Variants in DMRT1 observed in about 807,000 individuals in gnomAD.
DMRT1 encodes the protein doublesex and mab-3 related transcription factor 1.
A neutral mutation model predicts 32.3 loss-of-function variants in DMRT1; 7 were observed. The ratio of observed to expected loss-of-function variants is 0.22; its 90% CI spans 0.12 to 0.41. The LOEUF (loss-of-function observed/expected upper bound fraction) is 0.41, where lower values mean the gene tolerates loss of function less well. Ranked by LOEUF, DMRT1 falls within the 10% of genes least tolerant of loss-of-function variation. The pLI is 1.00. For missense variants in DMRT1, 625 were observed against 500.5 expected (o/e 1.25, Z -2.37); for synonymous variants, 278 against 206.1 (o/e 1.35, Z -2.99).
At chr9:898,767 C>T (rs1361382336) in intron 3 of DMRT1, among the ~76,000 whole-genome samples, 1 of 152,234 alleles carries the variant, frequency 6.6e-6, no homozygotes, top group Non-Finnish European at 1.5e-5. Context: ...CCGGACTCTC[C>T]TCCTAACTTA....
intron 4 of DMRT1, among the ~76,000 whole-genome samples, chr9:922,106 TG>T (rs1818373548): frequency 1.3e-5 from 2 of 152,132 alleles, no homozygotes; most frequent in South Asian, 4.2e-4. Flanking sequence ...CTTGAACTCC[TG>T]GGCTCAAGCG....
chr9:905,614 C>G (rs77960583), intron 3 of DMRT1, among the ~76,000 whole-genome samples: 87 of 152,058 alleles, frequency 5.7e-4, no homozygotes, highest in East Asian at 1.7e-3. Flanking sequence ...TTGCAAACCC[C>G]GAAGAGGAGT....
At chr9:957,505 A>T (rs1819637234) in intron 4 of DMRT1, among the ~76,000 whole-genome samples, 1 of 152,236 alleles carries the variant, frequency 6.6e-6, no homozygotes, top group African/African-American at 2.4e-5. Flanking sequence ...AACCATTCCT[A>T]AACAGTGTGC....
At chr9:923,594 C>T (rs1388484440) in intron 4 of DMRT1, among the ~76,000 whole-genome samples, 1 of 152,140 alleles carries the variant, frequency 6.6e-6, no homozygotes, top group Non-Finnish European at 1.5e-5. Context: ...GCTGTGTGGG[C>T]ATTTCACATA....
At chr9:932,922 T>C (rs1405478328) in intron 4 of DMRT1, among the ~76,000 whole-genome samples, 2 of 152,084 alleles carry the variant, frequency 1.3e-5, no homozygotes, top group African/African-American at 4.8e-5. Flanking sequence ...AGCTTTCTTT[T>C]TTTTTTTTGA....
intron 2 of DMRT1, among the ~76,000 whole-genome samples, chr9:865,436 G>A (rs528733504): frequency 1.0e-3 from 157 of 151,698 alleles, no homozygotes; most frequent in Non-Finnish European, 2.0e-3. Flanking sequence ...GATATGTATG[G>A]TACTTAATTT....
intron 4 of DMRT1, among the ~76,000 whole-genome samples, chr9:959,872 A>G (rs1819716502): frequency 1.3e-5 from 2 of 152,182 alleles, no homozygotes; most frequent in African/African-American, 2.4e-5. Context: ...CAGTGCATGC[A>G]TGGGTTAGTC....
At chr9:967,930 T>G in intron 4 of DMRT1, 55 bp from the exon 5 acceptor site, 1 of 1,560,226 alleles carries the variant, frequency 6.4e-7, no homozygotes, top group Admixed American at 1.7e-5. Context: ...ACCAGCCACT[T>G]TTAACATTAC....
chr9:908,648 T>C (rs1042546022), intron 3 of DMRT1, among the ~76,000 whole-genome samples: 1 of 151,982 alleles, frequency 6.6e-6, no homozygotes, highest in African/African-American at 2.4e-5. Flanking sequence ...GCTACTGTAA[T>C]ACAAACTTTC....
intron 2 of DMRT1, among the ~76,000 whole-genome samples, chr9:878,336 G>T (rs1816595683): frequency 6.6e-6 from 1 of 152,050 alleles, no homozygotes; most frequent in African/African-American, 2.4e-5. Flanking sequence ...AAGGAATGGT[G>T]CACTCTACTC....
At chr9:961,591 G>A (rs1213171865) in intron 4 of DMRT1, among the ~76,000 whole-genome samples, 2 of 152,188 alleles carry the variant, frequency 1.3e-5, no homozygotes, top group Non-Finnish European at 2.9e-5. Context: ...ATTGAAAAAG[G>A]CAGAACTGAT....
At chr9:874,238 G>C (rs1403008491) in intron 2 of DMRT1, among the ~76,000 whole-genome samples, 1 of 152,086 alleles carries the variant, frequency 6.6e-6, no homozygotes. Context: ...AAATCATTTT[G>C]TTTTGTTTTT....
rs554055618 is a variant in DMRT1 at position 916,924 on chromosome 9, A to G, written c.967+17A>G. On this transcript the variant is annotated intron_variant, in intron 4 of 4. Coordinates refer to ENST00000382276, the MANE Select transcript of DMRT1 (RefSeq NM_021951.3). The stretch of plus-strand genomic sequence containing the variant: ...GGGCGAGCGGTAGGTGTCTGGTCAC[A>G]CAGACTGGATTTGGGGTTGAGAGAG... The G allele has an allele frequency of 6.2e-7, 1 of 1,614,100 alleles. No individual in the cohort carries two copies. The highest frequency in any genetic ancestry group is 1.1e-5 in the South Asian group (1 of 91,080).
Position 924,061 on chromosome 9 carries a change from G to T in DMRT1, c.967+7154G>T, listed in dbSNP as rs912481631. ...CCAGCTCTGGAGCCAGTAGTAAGAT[G>T]ATCAATCTCTTTTTTTTTTTTTTTT... On this transcript the variant is annotated intron_variant, in intron 4 of 4. Coordinates refer to ENST00000382276, the MANE Select transcript of DMRT1 (RefSeq NM_021951.3). Among the ~76,000 whole-genome samples, 6 of 143,340 alleles carry T rather than the reference G, an allele frequency of 4.2e-5. No individual in the cohort carries two copies. In the South Asian group the frequency reaches 1.4e-3, roughly 34 times the overall value. 94.0% of individuals were successfully genotyped at this position (143,340 alleles called of 152,430 possible). A position where few individuals can be genotyped will look rare whatever the true frequency, so the allele number is the denominator to read the frequency against.
At chr9:856,059 G>A (rs1367497721) in intron 2 of DMRT1, among the ~76,000 whole-genome samples, 1 of 152,092 alleles carries the variant, frequency 6.6e-6, no homozygotes, top group East Asian at 1.9e-4. Flanking sequence ...TGGGATTACA[G>A]GCGCCCGCCA....
At chr9:910,490 A>G (rs1050476629) in intron 3 of DMRT1, among the ~76,000 whole-genome samples, 1 of 152,164 alleles carries the variant, frequency 6.6e-6, no homozygotes, top group African/African-American at 2.4e-5. Flanking sequence ...CTAAACTGTT[A>G]CTAGATAACC....
chr9:906,035 A>C (rs1455491779), intron 3 of DMRT1, among the ~76,000 whole-genome samples: 1 of 74,578 alleles, frequency 1.3e-5, no homozygotes, highest in East Asian at 8.9e-4. Context: ...ACACACCCAC[A>C]CACACACACA....
At position 841,999 on chromosome 9, in the gene DMRT1, G is replaced by GCGGCTC. The variant is rs751092097; in HGVS notation, c.171_176dup (p.Ser58_Gly59dup). On this transcript the variant is annotated inframe_insertion, in exon 1 of 5. Transcript: ENST00000382276. Reference sequence around the variant, plus strand: ...AGCGCCGGGGGCAGCAGCAGAGGAGGCGGCTCCGGCTCCGGGGCGTCGGAC... The same window carrying GCGGCTC: ...AGCGCCGGGGGCAGCAGCAGAGGAGGCGGCTCCGGCTCCGGCTCCGGGGCGTCGGAC... The GCGGCTC allele has an allele frequency of 5.8e-6, 9 of 1,562,338 alleles. No homozygotes were observed. Among genetic ancestry groups the GCGGCTC allele is most frequent in the Non-Finnish European group, 7.8e-6 (9 of 1,155,396 alleles).
intron 2 of DMRT1, among the ~76,000 whole-genome samples, chr9:891,472 A>G (rs1484577688): frequency 1.3e-5 from 2 of 148,976 alleles, no homozygotes; most frequent in African/African-American, 5.0e-5. Context: ...TAAACAAAAT[A>G]AAAGTGAAAC....
Sources: allele counts gnomAD v4.1 joint callset (sites outside exome capture counted in the v4.1 genomes callset), GRCh38; gene constraint gnomAD v4.1.1; transcripts MANE v1.5; gene names NCBI Gene and HGNC (gene_info 2026-07-23, HGNC 2026-07-21).